BCHE: variants seen among roughly 807,000 people sequenced by gnomAD.
BCHE encodes the protein butyrylcholinesterase.
In BCHE, 48 loss-of-function variants were observed where a neutral mutation model predicts 51.3. The ratio of observed to expected loss-of-function variants is 0.94; its 90% CI spans 0.74 to 1.19. BCHE has a LOEUF of 1.19. Ranked by LOEUF, BCHE falls within the 50% of genes most tolerant of loss-of-function variation. The pLI is 0.00. For missense variants in BCHE, 847 were observed against 708.2 expected (o/e 1.20, Z -2.23); for synonymous variants, 251 against 238.0 (o/e 1.05, Z -0.50).
chr3:165,789,575 T>C (rs1465238431), intron 2 of BCHE, among the ~76,000 whole-genome samples: 1 of 152,158 alleles, frequency 6.6e-6, no homozygotes, highest in Non-Finnish European at 1.5e-5. Flanking sequence ...AAGTAAGCTA[T>C]AGTAATTTTT....
intron 2 of BCHE, among the ~76,000 whole-genome samples, chr3:165,825,701 G>A (rs574710682): frequency 6.3e-4 from 96 of 151,476 alleles, no homozygotes; most frequent in Non-Finnish European, 1.2e-3. Context: ...ATCCCTCCCC[G>A]CTCACCCCAC....
intron 2 of BCHE, chr3:165,827,940 C>T (rs1714794307): frequency 2.9e-5 from 12 of 420,196 alleles, no homozygotes; most frequent in South Asian, 2.1e-4. Context: ...CTTTTACCAG[C>T]TCTCATTCAA....
chr3:165,826,473 T>C (rs1211129371), intron 2 of BCHE, among the ~76,000 whole-genome samples: 1 of 152,058 alleles, frequency 6.6e-6, no homozygotes, highest in African/African-American at 2.4e-5. Flanking sequence ...AATCAGTGAT[T>C]GACTGGACAT....
intron 2 of BCHE, among the ~76,000 whole-genome samples, chr3:165,814,967 A>G (rs1359490491): frequency 6.7e-6 from 1 of 148,540 alleles, no homozygotes; most frequent in East Asian, 1.9e-4. Flanking sequence ...TTATATCTAT[A>G]ATATTAGTGT....
intron 2 of BCHE, among the ~76,000 whole-genome samples, chr3:165,814,263 T>C (rs1361451916): frequency 6.6e-6 from 1 of 152,108 alleles, no homozygotes; most frequent in African/African-American, 2.4e-5. Context: ...ATTTCAGGGT[T>C]CATTAATATG....
intron 2 of BCHE, among the ~76,000 whole-genome samples, chr3:165,794,374 G>A (rs1430894609): frequency 2.0e-5 from 3 of 152,094 alleles, no homozygotes; most frequent in Non-Finnish European, 2.9e-5. Context: ...AGCTGTCATA[G>A]TCTGCTTGGG....
intron 3 of BCHE, chr3:165,778,702 A>G: frequency 2.2e-6 from 1 of 453,844 alleles, no homozygotes; most frequent in Non-Finnish European, 4.4e-6. Flanking sequence ...TCTAGCTGCT[A>G]GTGCAGTTCC....
intron 2 of BCHE, among the ~76,000 whole-genome samples, chr3:165,802,541 T>C (rs1713696103): frequency 6.6e-6 from 1 of 152,028 alleles, no homozygotes; most frequent in South Asian, 2.1e-4. Context: ...AAATGAGACC[T>C]AAGTTACTTG....
chr3:165,773,272 A>AT lies in BCHE; in HGVS notation c.*109dup. ...GAGGAATCAATATTATCCTTCTGGC[A>AT]TTTTTGTTTCAGCTACATAATAACT... On this transcript the variant is annotated 3_prime_UTR_variant, in exon 4 of 4. Coordinates refer to ENST00000264381, the MANE Select transcript of BCHE (RefSeq NM_000055.4). 1 of 1,054,246 alleles carries AT rather than the reference A, an allele frequency of 9.5e-7. No individual in the cohort carries two copies. Among genetic ancestry groups the AT allele is most frequent in the Non-Finnish European group, 1.4e-6 (1 of 721,668 alleles). The allele number at this position is 1,054,246 out of a possible 1,614,324, so 65.3% of individuals were successfully genotyped here.
At chr3:165,820,632 T>C (rs1309169667) in intron 2 of BCHE, among the ~76,000 whole-genome samples, 3 of 151,912 alleles carry the variant, frequency 2.0e-5, no homozygotes, top group African/African-American at 7.2e-5. Flanking sequence ...AATCAGAGGG[T>C]AAGAATTTTT....
rs775490283 is a variant in BCHE, at chr3:165,829,821, C to G, written c.1213G>C (p.Val405Leu). ...ESILFHYTDW[V>L]DDQRPENYRE... is the part of the protein sequence containing the mutation. ...TAGTTTTCAGGTCTCTGATCATCTA[C>G]CCAGTCTGTGTAATGAAAAAGGATG... The change falls in exon 2 of 4, where the codon GTA (valine) becomes CTA (leucine). Residue 405 changes from valine (V) to leucine (L), a missense_variant. Physicochemically the swap from Val to Leu is conservative, Grantham distance 32. Transcript: ENST00000264381. The G allele has an allele frequency of 1.9e-6, 3 of 1,613,834 alleles. No homozygotes were observed. The highest frequency in any genetic ancestry group is 2.5e-6 in the Non-Finnish European group (3 of 1,179,856).
chr3:165,829,792 A>G lies in BCHE; in HGVS notation c.1242T>C (p.Arg414=), dbSNP rs142671799. ...WVDDQRPENY[R]EALGDVVGDY... ...CCCCAACAACATCACCCAAGGCCTC[A>G]CGGTAGTTTTCAGGTCTCTGATCAT... The change falls in exon 2 of 4, where the codon CGT becomes CGC. Residue 414 remains arginine (R), a synonymous_variant. Coordinates refer to ENST00000264381, the MANE Select transcript of BCHE (RefSeq NM_000055.4). 2.0e-5 allele frequency: 33 copies of G among 1,613,912 alleles called. No individual in the cohort carries two copies. The highest frequency in any genetic ancestry group is 1.7e-4 in the Middle Eastern group (1 of 6,058).
At chr3:165,780,496 T>C (rs1194789817) in intron 3 of BCHE, among the ~76,000 whole-genome samples, 1 of 152,200 alleles carries the variant, frequency 6.6e-6, no homozygotes, top group East Asian at 1.9e-4. Flanking sequence ...AGAGAACATT[T>C]CTGCAATCTA....
At chr3:165,811,313 A>G (rs769013995) in intron 2 of BCHE, among the ~76,000 whole-genome samples, 6 of 152,076 alleles carry the variant, frequency 3.9e-5, no homozygotes, top group Non-Finnish European at 8.8e-5. Context: ...GGCTTCTTCT[A>G]TCTGAATTTA....
At position 165,817,797 on chromosome 3, in the gene BCHE, A is replaced by G. The variant is rs372007806; in HGVS notation, c.1517+11720T>C. ...ATTTGAAAGCTCACATGCATCAAGC[A>G]TTATTGAGGTAATAGGGATGCAGCA... is the stretch of plus-strand genomic sequence containing the variant. On this transcript the variant is annotated intron_variant, in intron 2 of 3. Coordinates refer to ENST00000264381, the MANE Select transcript of BCHE (RefSeq NM_000055.4). Among the ~76,000 whole-genome samples, 14 of 152,226 alleles carry G rather than the reference A, an allele frequency of 9.2e-5. No individual in the cohort carries two copies. The South Asian group carries it at 2.9e-3, about 32-fold the overall frequency.
chr3:165,822,621 C>A (rs895595780), intron 2 of BCHE, among the ~76,000 whole-genome samples: 1 of 151,998 alleles, frequency 6.6e-6, no homozygotes, highest in Non-Finnish European at 1.5e-5. Flanking sequence ...GGCTGTGTAA[C>A]TGCACTGTGA....
intron 2 of BCHE, among the ~76,000 whole-genome samples, chr3:165,813,371 T>TA (rs1714182263): frequency 6.6e-6 from 1 of 151,752 alleles, no homozygotes; most frequent in African/African-American, 2.4e-5. Context: ...TATCTCGTTC[T>TA]AAAATTACTA....
intron 3 of BCHE, among the ~76,000 whole-genome samples, chr3:165,780,897 A>G (rs796278540): frequency 1.4e-4 from 21 of 152,252 alleles, no homozygotes; most frequent in African/African-American, 4.8e-4. Context: ...TTGACCCAGC[A>G]ATCCCATTAC....
chr3:165,831,600 A>T (rs558033541), intron 1 of BCHE, among the ~76,000 whole-genome samples: 1 of 152,146 alleles, frequency 6.6e-6, no homozygotes, highest in African/African-American at 2.4e-5. Flanking sequence ...ATCTTCCTCT[A>T]TACAATCCTA....
Sources: allele counts gnomAD v4.1 joint callset (sites outside exome capture counted in the v4.1 genomes callset), GRCh38; gene constraint gnomAD v4.1.1; transcripts MANE v1.5; gene names NCBI Gene and HGNC (gene_info 2026-07-23, HGNC 2026-07-21).